PKIB: variants seen among roughly 807,000 people sequenced by gnomAD.
PKIB encodes cAMP-dependent protein kinase inhibitor beta.
In PKIB, 2 loss-of-function variants were observed where a neutral mutation model predicts 4.5. The observed-to-expected ratio is 0.44, with a 90% CI of 0.18 to 1.39. PKIB has a LOEUF of 1.39. PKIB is among the 40% of genes most tolerant of loss of function. The probability of loss-of-function intolerance (pLI) is 0.27; values close to 1 mark genes in which losing one functional copy is unlikely to be tolerated. For missense variants in PKIB, 94 were observed against 92.6 expected, an observed-to-expected ratio of 1.02 and a Z score of -0.06; for synonymous variants, 38 against 36.0, an observed-to-expected ratio of 1.06 and a Z score of -0.20.
At position 122,530,018 on chromosome 6, in the gene PKIB, G is replaced by GCT. The variant is rs1310931497; in HGVS notation, c.-248+52085_-248+52086dup. The stretch of plus-strand genomic sequence containing the variant: ...TTTCAGCCATTATTTTTTCAAATAA[G>GCT]CTCTCTCCCCCTTCTTTCTCTCCTC... On this transcript the variant is annotated intron_variant, in intron 2 of 6. Coordinates refer to the PKIB transcript ENST00000392491. 3.3e-5 allele frequency among the ~76,000 whole-genome samples: 5 copies of GCT among 151,778 alleles called. No individual in the cohort carries two copies. In the East Asian group the frequency reaches 7.8e-4, roughly 24 times the overall value.
intron 2 of PKIB, among the ~76,000 whole-genome samples, chr6:122,513,907 A>C (rs750857610): frequency 2.0e-5 from 3 of 152,222 alleles, no homozygotes; most frequent in Admixed American, 6.5e-5. Context: ...ATTATAAGGA[A>C]AGTGAGGGAA....
chr6:122,633,972 A>ATCTG (rs1415105451), intron 2 of PKIB, among the ~76,000 whole-genome samples: 1 of 151,778 alleles, frequency 6.6e-6, no homozygotes, highest in South Asian at 2.1e-4. Flanking sequence ...CTATCTATCT[A>ATCTG]TCCATCTATC....
chr6:122,702,187 A>G (rs1417516897), intron 3 of PKIB, among the ~76,000 whole-genome samples: 3 of 151,796 alleles, frequency 2.0e-5, no homozygotes, highest in East Asian at 1.9e-4. Flanking sequence ...TGTGTAGTCT[A>G]TGTAATCCGA....
In PKIB at chr6:122,508,756, T is replaced by A. The variant is rs569411637; in HGVS notation, c.-248+30817T>A. On this transcript the variant is annotated intron_variant, in intron 2 of 6. Transcript: ENST00000392491. ...AACAATATTAACTGGCTGATTAAAA[T>A]TTTTTTTTTTTAGAGACAGAGTCTT... Among the ~76,000 whole-genome samples the A allele has an allele frequency of 8.3e-4, 122 of 146,746 alleles. 1 individual carries two copies. The highest frequency in any genetic ancestry group is 3.6e-3 in the Middle Eastern group (1 of 278).
chr6:122,476,528 A>G (rs1234988416), intron 1 of PKIB, among the ~76,000 whole-genome samples: 3 of 152,154 alleles, frequency 2.0e-5, no homozygotes, highest in African/African-American at 4.8e-5. Context: ...AGATTTTCTT[A>G]TTTTGCTGAA....
At chr6:122,566,222 G>A (rs888224211) in intron 2 of PKIB, among the ~76,000 whole-genome samples, 5 of 152,212 alleles carry the variant, frequency 3.3e-5, no homozygotes, top group Middle Eastern at 3.4e-3. Flanking sequence ...ATTATAAAAG[G>A]GGTATTGAAG....
intron 1 of PKIB, among the ~76,000 whole-genome samples, chr6:122,631,654 T>C (rs954497423): frequency 6.6e-6 from 1 of 152,178 alleles, no homozygotes; most frequent in African/African-American, 2.4e-5. Flanking sequence ...ATTATGCCAT[T>C]TGATGAACAA....
intron 2 of PKIB, among the ~76,000 whole-genome samples, chr6:122,578,807 G>A (rs1417793191): frequency 6.6e-6 from 1 of 152,154 alleles, no homozygotes; most frequent in Non-Finnish European, 1.5e-5. Context: ...GGGACCTGGT[G>A]GAAGGTAAAC....
intron 2 of PKIB, among the ~76,000 whole-genome samples, chr6:122,655,326 T>C (rs2114893887): frequency 6.6e-6 from 1 of 152,182 alleles, no homozygotes; most frequent in South Asian, 2.1e-4. Context: ...AATACCAAGG[T>C]GATGGTTTTA....
chr6:122,481,722 TA>T (rs1486669712), intron 2 of PKIB: 1 of 152,166 alleles, frequency 6.6e-6, no homozygotes, highest in Non-Finnish European at 1.5e-5. Context: ...GTAAACAAGA[TA>T]AAATTTTAAT....
At chr6:122,689,287 C>A (rs895059089) in intron 3 of PKIB, among the ~76,000 whole-genome samples, 3 of 151,924 alleles carry the variant, frequency 2.0e-5, no homozygotes, top group African/African-American at 7.3e-5. Flanking sequence ...ATGTTTATTT[C>A]TTTTCTTCTA....
At chr6:122,556,677 C>A (rs1405274019) in intron 2 of PKIB, among the ~76,000 whole-genome samples, 1 of 152,278 alleles carries the variant, frequency 6.6e-6, no homozygotes, top group East Asian at 1.9e-4. Context: ...ACAAGTGAAT[C>A]CTAGCACAGA....
intron 2 of PKIB, chr6:122,652,673 CAG>C (rs1418745757): frequency 6.6e-6 from 1 of 152,174 alleles, no homozygotes; most frequent in African/African-American, 2.4e-5. Context: ...CTGGATGACT[CAG>C]AGTCATCCCA....
intron 3 of PKIB, among the ~76,000 whole-genome samples, chr6:122,714,463 G>T (rs963264725): frequency 2.6e-5 from 4 of 152,010 alleles, no homozygotes; most frequent in Non-Finnish European, 5.9e-5. Flanking sequence ...TTATTTTCCA[G>T]CATCGATCTA....
chr6:122,686,235 C>T (rs1778086533), intron 3 of PKIB, among the ~76,000 whole-genome samples: 1 of 152,132 alleles, frequency 6.6e-6, no homozygotes, highest in Non-Finnish European at 1.5e-5. Context: ...TCAAAGTGTT[C>T]TCCACAGTGA....
chr6:122,530,699 C>G (rs1777229316), intron 2 of PKIB, among the ~76,000 whole-genome samples: 2 of 152,138 alleles, frequency 1.3e-5, no homozygotes, highest in African/African-American at 4.8e-5. Context: ...CCTCTGTTTT[C>G]AGCAGCTTCT....
chr6:122,503,250 G>C (rs1266139466), intron 2 of PKIB, among the ~76,000 whole-genome samples: 2 of 152,136 alleles, frequency 1.3e-5, no homozygotes, highest in African/African-American at 4.8e-5. Context: ...GTACATAACA[G>C]GTAGTGGGTC....
intron 2 of PKIB, among the ~76,000 whole-genome samples, chr6:122,643,147 A>G (rs1776183791): frequency 6.6e-6 from 1 of 152,166 alleles, no homozygotes; most frequent in South Asian, 2.1e-4. Context: ...GCATTATCTT[A>G]GTTCCCTACA....
chr6:122,571,498 C>G (rs1378664008), intron 2 of PKIB, among the ~76,000 whole-genome samples: 1 of 152,142 alleles, frequency 6.6e-6, no homozygotes, highest in Non-Finnish European at 1.5e-5. Context: ...AGCTGTGAGA[C>G]AAAAGCATCA....
Sources: allele counts gnomAD v4.1 joint callset (sites outside exome capture counted in the v4.1 genomes callset), GRCh38; gene constraint gnomAD v4.1.1; transcripts MANE v1.5; gene names NCBI Gene and HGNC (gene_info 2026-07-23, HGNC 2026-07-21).